The following PITPNM3 variants were observed in gnomAD, a reference collection of about 807,000 sequenced individuals.
PITPNM3 encodes the protein PITPNM family member 3.
In PITPNM3, 26 loss-of-function variants were observed where a neutral mutation model predicts 102.0. The ratio of observed to expected loss-of-function variants is 0.25; its 90% CI spans 0.19 to 0.35. The LOEUF (loss-of-function observed/expected upper bound fraction) is 0.35. Among genes scored for constraint, PITPNM3 ranks in the 10% least tolerant of loss-of-function variants. PITPNM3 has a pLI of 1.00. For missense variants in PITPNM3, 1,083 were observed against 1,346.1 expected (o/e 0.80, Z 3.06); for synonymous variants, 578 against 558.6 (o/e 1.03, Z -0.49).
chr17:6,457,714 G>C lies in PITPNM3; in HGVS notation c.2499C>G (p.Ile833Met), dbSNP rs1310718868. ...FLRNLMQECF[I>M]KISAAYGSTK... The stretch of plus-strand genomic sequence containing the variant: ...TGGAGCCATAGGCCGCACTGATTTT[G>C]ATGAAGCACTGAAACACAGGGCAGG... The change falls in exon 19 of 20, where the codon ATC (isoleucine) becomes ATG (methionine). Residue 833 changes from isoleucine to methionine, a missense_variant. Physicochemically the swap from Ile to Met is conservative, Grantham distance 10. Transcript: ENST00000262483. This position sits in a 1 kb window ranked among gnomAD's most constrained non-coding sequence, Gnocchi z 4.7. 1 of 1,586,638 alleles carries C rather than the reference G, an allele frequency of 6.3e-7. No homozygotes were observed. The highest frequency in any genetic ancestry group is 1.3e-5 in the African/African-American group (1 of 74,508).
intron 3 of PITPNM3, among the ~76,000 whole-genome samples, chr17:6,516,870 A>G (rs1049401661): frequency 6.6e-6 from 1 of 151,312 alleles, no homozygotes; most frequent in Non-Finnish European, 1.5e-5. Context: ...TCTCTATTAA[A>G]AAAAGAAAGA....
chr17:6,473,837 C>A (rs372392772), intron 10 of PITPNM3, among the ~76,000 whole-genome samples: 1 of 151,932 alleles, frequency 6.6e-6, no homozygotes, highest in African/African-American at 2.4e-5. Flanking sequence ...ATTAGCTGGG[C>A]GTCATGGTGG....
chr17:6,524,158 G>A (rs1908693244), intron 3 of PITPNM3, among the ~76,000 whole-genome samples: 1 of 152,210 alleles, frequency 6.6e-6, no homozygotes, highest in Non-Finnish European at 1.5e-5. Context: ...GGGCAAGATG[G>A]TCACTACCAA....
intron 6 of PITPNM3, chr17:6,480,717 G>T (rs1280517884): frequency 6.6e-6 from 1 of 152,420 alleles, no homozygotes; most frequent in Non-Finnish European, 1.5e-5. Context: ...CCAGTGATCT[G>T]CCGAATGCCT....
At position 6,469,169 on chromosome 17, in the gene PITPNM3, C is replaced by T. The variant is rs58840279; in HGVS notation, c.1774-828G>A. On this transcript the variant is annotated intron_variant, in intron 13 of 19. Transcript: ENST00000262483. The surrounding 1 kb of genome is among the most constrained non-coding windows in gnomAD (Gnocchi z 4.0). The stretch of plus-strand genomic sequence containing the variant: ...GTAGGAGCACCCTTAGTCTGGCACT[C>T]ATCGCCAGTTGTAAATGCCGTCCAA... Among the ~76,000 whole-genome samples, 32 of 152,336 alleles carry T rather than the reference C, an allele frequency of 2.1e-4. No individual in the cohort carries two copies. The highest frequency in any genetic ancestry group is 7.2e-4 in the African/African-American group (30 of 41,578).
At chr17:6,533,475 G>A (rs779681074) in intron 2 of PITPNM3, among the ~76,000 whole-genome samples, 2 of 141,852 alleles carry the variant, frequency 1.4e-5, no homozygotes, top group Non-Finnish European at 3.2e-5. Flanking sequence ...TTTTCTTCCA[G>A]GCAGAGTCTC....
rs148008985 is a variant in PITPNM3 at position 6,539,747 on chromosome 17, TCTA to T, written c.23-1668_23-1666del. ...TACTAAAGGTATAAAATCTATCATA[TCTA>T]CTACATTTGCATACTATGTGAATAC... On this transcript the variant is annotated intron_variant, in intron 1 of 19. Coordinates refer to ENST00000262483, the MANE Select transcript of PITPNM3 (RefSeq NM_031220.4). 5.5e-3 allele frequency among the ~76,000 whole-genome samples: 838 copies of T among 152,344 alleles called. 4 individuals are homozygous for T. Among genetic ancestry groups the T allele is most frequent in the Admixed American group, 9.4e-3 (143 of 15,294 alleles).
chr17:6,508,546 AG>A lies in PITPNM3; in HGVS notation c.227-4973del, dbSNP rs1486786775. 3.3e-5 allele frequency among the ~76,000 whole-genome samples: 5 copies of A among 152,088 alleles called. No homozygotes were observed. In the East Asian group the frequency reaches 9.7e-4, roughly 30 times the overall value. On this transcript the variant is annotated intron_variant, in intron 3 of 19. Coordinates refer to ENST00000262483, the MANE Select transcript of PITPNM3 (RefSeq NM_031220.4). Reference sequence around the variant, plus strand: ...CAGCCTGGGTAGTGCTTCCTGGAGGAGGAAGGCATGGGACAGCGAAAGGCTG... The same window carrying A: ...CAGCCTGGGTAGTGCTTCCTGGAGGAGAAGGCATGGGACAGCGAAAGGCTG...
intron 3 of PITPNM3, among the ~76,000 whole-genome samples, chr17:6,518,842 A>G (rs1459366243): frequency 6.6e-6 from 1 of 152,188 alleles, no homozygotes; most frequent in East Asian, 1.9e-4. Flanking sequence ...TTTCAACTTG[A>G]TGAAGGGCAT....
chr17:6,455,856 G>C (rs373839467), intron 19 of PITPNM3, among the ~76,000 whole-genome samples: 1 of 150,792 alleles, frequency 6.6e-6, no homozygotes, highest in African/African-American at 2.4e-5. Flanking sequence ...ATCATTTCCC[G>C]GGAACACTCT....
At chr17:6,490,290 G>A (rs968585062) in intron 4 of PITPNM3, among the ~76,000 whole-genome samples, 3 of 152,250 alleles carry the variant, frequency 2.0e-5, no homozygotes, top group African/African-American at 4.8e-5. Context: ...CCTCGGATGG[G>A]AAACTAACCC....
chr17:6,556,333 C>G lies in PITPNM3; in HGVS notation c.22+52G>C. 2.9e-6 allele frequency: 4 copies of G among 1,386,808 alleles called. No homozygotes were observed. The highest frequency in any genetic ancestry group is 3.8e-6 in the Non-Finnish European group (4 of 1,061,018). The allele number at this position is 1,386,808 out of a possible 1,614,324, so 85.9% of individuals were successfully genotyped here. ...GGGCCGGCGGCCCCTCCTCTAGACG[C>G]GCGAGTCCCTCCCCCGGGCCCCGGC... On this transcript the variant is annotated intron_variant, in intron 1 of 19. Coordinates refer to ENST00000262483, the MANE Select transcript of PITPNM3 (RefSeq NM_031220.4). This position sits in a 1 kb window ranked among gnomAD's most constrained non-coding sequence, Gnocchi z 5.2.
chr17:6,552,756 CT>C (rs1322658814), intron 1 of PITPNM3, among the ~76,000 whole-genome samples: 1 of 139,874 alleles, frequency 7.1e-6, no homozygotes, highest in Non-Finnish European at 1.5e-5. Flanking sequence ...GGCCACCTTT[CT>C]TTTTCTTTTT....
intron 14 of PITPNM3, 26 bp from the exon 15 acceptor site, chr17:6,464,797 C>A: frequency 6.2e-7 from 1 of 1,611,660 alleles, no homozygotes; most frequent in Non-Finnish European, 8.5e-7. Flanking sequence ...GAAGCTGGCT[C>A]AGCCCTTGCA....
At chr17:6,546,433 A>G (rs2150676339) in intron 1 of PITPNM3, among the ~76,000 whole-genome samples, 1 of 152,370 alleles carries the variant, frequency 6.6e-6, no homozygotes, top group South Asian at 2.1e-4. Flanking sequence ...AACTGTCCTG[A>G]GAACAGCTCA....
chr17:6,523,759 C>T (rs12941828), intron 3 of PITPNM3, among the ~76,000 whole-genome samples: 34,384 of 152,212 alleles, frequency 0.23, 4,770 homozygotes, highest in Middle Eastern at 0.4. Context: ...ATGGCTATGA[C>T]GACTGGTAAG....
At chr17:6,506,080 G>A (rs1907489694) in intron 3 of PITPNM3, among the ~76,000 whole-genome samples, 1 of 151,948 alleles carries the variant, frequency 6.6e-6, no homozygotes, top group African/African-American at 2.4e-5. Flanking sequence ...AAGGCAGGAA[G>A]CCCATTTACA....
intron 3 of PITPNM3, among the ~76,000 whole-genome samples, chr17:6,512,123 C>A (rs558625214): frequency 6.6e-6 from 1 of 152,144 alleles, no homozygotes; most frequent in Non-Finnish European, 1.5e-5. Context: ...AGCATCTGTC[C>A]CAAAGTGTGA....
chr17:6,555,827 G>A (rs1366783334), intron 1 of PITPNM3, among the ~76,000 whole-genome samples: 1 of 152,232 alleles, frequency 6.6e-6, no homozygotes, highest in Non-Finnish European at 1.5e-5. Context: ...GAGGCTTTGC[G>A]TCCCAGGGTC....
Sources: allele counts gnomAD v4.1 joint callset (sites outside exome capture counted in the v4.1 genomes callset), GRCh38; gene constraint gnomAD v4.1.1; non-coding constraint Gnocchi (gnomAD v3.1); transcripts MANE v1.5; gene names NCBI Gene and HGNC (gene_info 2026-07-23, HGNC 2026-07-21).